PI16: variants seen among roughly 807,000 people sequenced by gnomAD.
PI16 encodes the protein peptidase inhibitor 16.
Under a neutral mutation model 38.0 loss-of-function variants are expected in PI16, and 35 were observed. That is an observed-to-expected ratio of 0.92 (90% confidence interval 0.70 to 1.22). The LOEUF is 1.22. Ranked by LOEUF, PI16 falls within the 50% of genes most tolerant of loss-of-function variation. The pLI is 0.00. For synonymous variants in PI16, 275 were observed against 252.9 expected (o/e 1.09, Z -0.83); for missense variants, 572 against 593.8 (o/e 0.96, Z 0.38).
At position 36,954,897 on chromosome 6, in the gene PI16, A is replaced by T; in HGVS notation, c.137A>T (p.Gln46Leu). 6.2e-7 allele frequency: 1 copy of T among 1,613,704 alleles called. No individual in the cohort carries two copies. Among genetic ancestry groups the T allele is most frequent in the African/African-American group, 1.3e-5 (1 of 75,018 alleles). The change falls in exon 1 of 7, where the codon CAG becomes CTG. Residue 46 changes from glutamine to leucine, a missense_variant. Transcript: ENST00000373674. ...GAGCTGCACAACCTCTACCGGGCCC[A>T]GGTATCCCCGACGGCCTCAGACATG... The part of the protein sequence containing the change: ...MVELHNLYRA[Q>L]VSPTASDMLH...
At chr6:36,959,740 G>A (rs1241743248) in intron 2 of PI16, among the ~76,000 whole-genome samples, 1 of 152,054 alleles carries the variant, frequency 6.6e-6, no homozygotes, top group Non-Finnish European at 1.5e-5. Context: ...TGCTGGGCGC[G>A]GTGGCGCGCG....
intron 1 of PI16, among the ~76,000 whole-genome samples, chr6:36,957,400 G>T (rs1470338496): frequency 6.6e-6 from 1 of 152,276 alleles, no homozygotes; most frequent in East Asian, 1.9e-4. Flanking sequence ...CTTTGGCTGG[G>T]CTAGATGGCC....
upstream of PI16, among the ~76,000 whole-genome samples, chr6:36,953,986 A>G (rs1763143339): frequency 6.6e-6 from 1 of 152,224 alleles, no homozygotes; most frequent in Admixed American, 6.5e-5. Context: ...ATTTTGCCAT[A>G]GTGAAAGGCC....
In PI16 at chr6:36,963,050, A is replaced by G; in HGVS notation, c.708A>G (p.Leu236=). 1.2e-6 allele frequency: 2 copies of G among 1,614,210 alleles called. No individual in the cohort carries two copies. Among genetic ancestry groups the G allele is most frequent in the Non-Finnish European group, 1.7e-6 (2 of 1,180,034 alleles). The change falls in exon 5 of 7, where the codon CTA becomes CTG. Residue 236 remains leucine (L), a synonymous_variant. Transcript: ENST00000373674. ...DSRKMGTPSS[L]ATGIPAFLVT... is the part of the protein sequence containing the mutation. ...GGAAAATGGGTACTCCTTCTTCCCTAGCAACGGGGATTCCGGCTTTCTTGG... is the reference window on the plus strand; with the variant it reads ...GGAAAATGGGTACTCCTTCTTCCCTGGCAACGGGGATTCCGGCTTTCTTGG...
chr6:36,964,171 G>C (rs1763450335), intron 6 of PI16, among the ~76,000 whole-genome samples: 1 of 152,334 alleles, frequency 6.6e-6, no homozygotes, highest in Non-Finnish European at 1.5e-5. Flanking sequence ...GAGTGCCTTG[G>C]CTCTGGGTAG....
In PI16 at chr6:36,961,848, C is replaced by T. The variant is rs751633726; in HGVS notation, c.504-38C>T. On this transcript the variant is annotated intron_variant, in intron 3 of 6. Transcript: ENST00000373674. The stretch of plus-strand genomic sequence containing the variant: ...AGTTGGGGAGAGGGTTGGGAGGGGT[C>T]GACCCCCTCCCCGCAGCATCCTCCT... 14 of 1,543,640 alleles carry T rather than the reference C, an allele frequency of 9.1e-6. No homozygotes were observed. In the Admixed American group the frequency reaches 1.0e-4, roughly 11 times the overall value.
At chr6:36,948,677 CTCCTTCCTCCCTCCT>C (rs1561891309) in intron 1 of PI16, among the ~76,000 whole-genome samples, 1 of 78,694 alleles carries the variant, frequency 1.3e-5, no homozygotes. Flanking sequence ...TCCTCCCTCC[CTCCTTCCTCCCTCCT>C]TTCCTTACTG....
chr6:36,959,053 G>A (rs1763276125), intron 1 of PI16, 92 bp from the exon 2 acceptor site: 3 of 1,149,480 alleles, frequency 2.6e-6, no homozygotes, highest in African/African-American at 3.1e-5. Context: ...AGGAGGTGCC[G>A]GAAGGATTTC....
At chr6:36,956,811 AG>A (rs1263793050) in intron 1 of PI16, among the ~76,000 whole-genome samples, 2 of 152,320 alleles carry the variant, frequency 1.3e-5, no homozygotes, top group East Asian at 3.9e-4. Context: ...GTGCTCAGTA[AG>A]TGTCTGATTA....
At chr6:36,960,626 C>A (rs988028681) in intron 2 of PI16, among the ~76,000 whole-genome samples, 3 of 144,668 alleles carry the variant, frequency 2.1e-5, no homozygotes, top group Non-Finnish European at 3.0e-5. Context: ...ATCCTGCCAC[C>A]CCTCCCTCTC....
chr6:36,948,863 C>T (rs1175010107), intron 1 of PI16, among the ~76,000 whole-genome samples: 6 of 150,008 alleles, frequency 4.0e-5, no homozygotes, highest in African/African-American at 1.2e-4. Context: ...GGCGCGATCT[C>T]GGCTCACTGC....
upstream of PI16, among the ~76,000 whole-genome samples, chr6:36,952,284 A>G (rs1763114801): frequency 6.6e-6 from 1 of 152,086 alleles, no homozygotes; most frequent in South Asian, 2.1e-4. Context: ...ATGAGCCACT[A>G]CACTCTGCCC....
intron 2 of PI16, 141 bp downstream of exon 2, chr6:36,959,507 C>T: frequency 1.2e-6 from 1 of 816,476 alleles, no homozygotes. Context: ...CAAGCCCCCT[C>T]AGACACTTTG....
upstream of PI16, among the ~76,000 whole-genome samples, chr6:36,950,215 G>A (rs986123658): frequency 5.3e-5 from 8 of 151,960 alleles, no homozygotes; most frequent in Non-Finnish European, 1.0e-4. The surrounding 1 kb of genome is among the most constrained non-coding windows in gnomAD (Gnocchi z 4.2). Context: ...TCCAGCCCCC[G>A]GCAATCACCA....
At chr6:36,955,548 G>A (rs149608930) in intron 1 of PI16, among the ~76,000 whole-genome samples, 2 of 152,258 alleles carry the variant, frequency 1.3e-5, no homozygotes, top group South Asian at 2.1e-4. Flanking sequence ...TGCCGATCCC[G>A]TGTCTCATCT....
chr6:36,963,356 C>T lies in PI16; in HGVS notation c.1014C>T (p.Asp338=), dbSNP rs772887031. The change falls in exon 5 of 7, where the codon GAC becomes GAT. Residue 338 remains aspartate (D), a synonymous_variant. Coordinates refer to ENST00000373674, the MANE Select transcript of PI16 (RefSeq NM_153370.3). Reference sequence around the variant, plus strand: ...CTAGGAGCCCAGAGAACTCTCTGGACCCCAAGATGTCCCTGACAGGGGCAA... The same window carrying T: ...CTAGGAGCCCAGAGAACTCTCTGGATCCCAAGATGTCCCTGACAGGGGCAA... ...VPSRSPENSL[D]PKMSLTGARE... 6.2e-7 allele frequency: 1 copy of T among 1,614,176 alleles called. No homozygotes were observed. The highest frequency in any genetic ancestry group is 8.5e-7 in the Non-Finnish European group (1 of 1,180,020).
At position 36,962,997 on chromosome 6, in the gene PI16, T is replaced by G. The variant is rs200913667; in HGVS notation, c.655T>G (p.Phe219Val). ...LPYLVTEAPS[F>V]RATEASDSRK... ...TTACCTGGTAACTGAGGCCCCATCC[T>G]TCCGGGCGACTGAAGCATCAGACTC... The change falls in exon 5 of 7, where the codon TTC becomes GTC. Residue 219 changes from phenylalanine to valine, a missense_variant. Coordinates refer to ENST00000373674, the MANE Select transcript of PI16 (RefSeq NM_153370.3). This position sits in a 1 kb window ranked among gnomAD's most constrained non-coding sequence, Gnocchi z 4.1. 272 of 1,614,236 alleles carry G rather than the reference T, an allele frequency of 1.7e-4. No individual in the cohort carries two copies. The East Asian group carries it at 4.7e-3, about 28-fold the overall frequency.
At position 36,954,920 on chromosome 6, in the gene PI16, A is replaced by G; in HGVS notation, c.160A>G (p.Met54Val). 1 of 1,612,962 alleles carries G rather than the reference A, an allele frequency of 6.2e-7. No homozygotes were observed. Among genetic ancestry groups the G allele is most frequent in the Non-Finnish European group, 8.5e-7 (1 of 1,179,924 alleles). ...RAQVSPTASD[M>V]LHMRWDEELA... ...CCAGGTATCCCCGACGGCCTCAGACATGCTGCACATGGTAAGTGTGGCCAC... is the reference window on the plus strand; with the variant it reads ...CCAGGTATCCCCGACGGCCTCAGACGTGCTGCACATGGTAAGTGTGGCCAC... Residue 54 changes from methionine (M) to valine (V), a missense_variant, in exon 1 of 7, where the codon ATG becomes GTG. By Grantham distance (21) the Met-to-Val change is conservative. Coordinates refer to ENST00000373674, the MANE Select transcript of PI16 (RefSeq NM_153370.3).
chr6:36,959,095 C>G, intron 1 of PI16, 50 bp from the exon 2 acceptor site: 1 of 1,520,700 alleles, frequency 6.6e-7, no homozygotes, highest in Non-Finnish European at 8.9e-7. Flanking sequence ...TGCTTGGTCC[C>G]CACAGCATCT....
Sources: allele counts gnomAD v4.1 joint callset (sites outside exome capture counted in the v4.1 genomes callset), GRCh38; gene constraint gnomAD v4.1.1; non-coding constraint Gnocchi (gnomAD v3.1); transcripts MANE v1.5; gene names NCBI Gene and HGNC (gene_info 2026-07-23, HGNC 2026-07-21).